Variants in SPATA7 observed in about 807,000 individuals in gnomAD.
The protein encoded by SPATA7 is spermatogenesis-associated protein 7.
SPATA7 carries 43 observed loss-of-function variants against 51.8 expected under a neutral mutation model. The observed-to-expected ratio is 0.83, with a 90% CI of 0.65 to 1.07. The LOEUF (loss-of-function observed/expected upper bound fraction) is 1.07. Among genes scored for constraint, SPATA7 ranks in the 50% least tolerant of loss-of-function variants. The probability of loss-of-function intolerance (pLI) is 0.00; values close to 1 mark genes in which losing one functional copy is unlikely to be tolerated. For synonymous variants in SPATA7, 230 were observed against 252.8 expected (o/e 0.91, Z 0.86); for missense variants, 683 against 701.3 (o/e 0.97, Z 0.30).
intron 9 of SPATA7, chr14:88,432,484 A>G (rs977683873): frequency 1.3e-5 from 2 of 152,230 alleles, no homozygotes; most frequent in African/African-American, 4.8e-5. Context: ...TTCTTGTAAT[A>G]GCTACTAAAA....
intron 6 of SPATA7, 74 bp from the exon 7 acceptor site, chr14:88,427,556 C>T (rs1196622213): frequency 1.0e-6 from 1 of 955,752 alleles, no homozygotes; most frequent in East Asian, 2.6e-5. Context: ...TTTATTTTTT[C>T]TAGCCAGTAA....
At chr14:88,468,378 TC>T in intron 4 of SPATA7, 1 of 1,055,634 alleles carries the variant, frequency 9.5e-7, no homozygotes, top group Non-Finnish European at 1.3e-6. Context: ...CAGTCTCTTT[TC>T]CACCTTAGCG....
intron 8 of SPATA7, among the ~76,000 whole-genome samples, chr14:88,429,794 A>G (rs1205980146): frequency 6.6e-6 from 1 of 152,150 alleles, no homozygotes; most frequent in Admixed American, 6.6e-5. Flanking sequence ...TGCCACAAAT[A>G]GTACTGAAGA....
intron 4 of SPATA7, among the ~76,000 whole-genome samples, chr14:88,400,552 G>A (rs763046081): frequency 2.6e-5 from 4 of 152,148 alleles, no homozygotes; most frequent in Non-Finnish European, 5.9e-5. Flanking sequence ...TCCCAACAGA[G>A]GCCACATGTG....
At chr14:88,423,057 A>T (rs954244989) in intron 5 of SPATA7, among the ~76,000 whole-genome samples, 4 of 152,034 alleles carry the variant, frequency 2.6e-5, no homozygotes, top group African/African-American at 7.2e-5. Flanking sequence ...TTCTTCTCCC[A>T]TACTCTGACT....
intron 4 of SPATA7, among the ~76,000 whole-genome samples, chr14:88,461,764 T>G (rs868330806): frequency 1.2e-4 from 19 of 152,124 alleles, no homozygotes; most frequent in Admixed American, 1.1e-3. Context: ...GGTACCTCAG[T>G]TGGAAATGCA....
chr14:88,390,957 T>C (rs1246467002), intron 1 of SPATA7, among the ~76,000 whole-genome samples: 2 of 152,240 alleles, frequency 1.3e-5, no homozygotes, highest in South Asian at 4.1e-4. Context: ...ATAGATATTC[T>C]GACCTCAGTT....
chr14:88,469,197 G>C lies in SPATA7; in HGVS notation c.255-650G>C, dbSNP rs985853040. 1.3e-5 allele frequency: 15 copies of C among 1,157,018 alleles called. No homozygotes were observed. Among genetic ancestry groups the C allele is most frequent in the Non-Finnish European group, 1.6e-5 (13 of 831,586 alleles). 71.7% of individuals were successfully genotyped at this position (1,157,018 alleles called of 1,614,324 possible). ...TGCAGATAAAGAGCACTGGGTGCCA[G>C]TGAACCAAACCCAACCACAAAGGGA... On this transcript the variant is annotated intron_variant, in intron 4 of 4. Transcript: ENST00000556406. This position sits in a 1 kb window ranked among gnomAD's most constrained non-coding sequence, Gnocchi z 4.3.
intron 4 of SPATA7, among the ~76,000 whole-genome samples, chr14:88,398,431 A>T (rs1160035313): frequency 7.2e-6 from 1 of 139,578 alleles, no homozygotes; most frequent in Non-Finnish European, 1.5e-5. Context: ...TTGAACAATG[A>T]GATCACATGG....
At chr14:88,428,005 C>T (rs747571739) in intron 7 of SPATA7, 8 of 221,512 alleles carry the variant, frequency 3.6e-5, no homozygotes, top group African/African-American at 1.8e-4. Context: ...AAGATGCAGA[C>T]CTGGATTACT....
chr14:88,420,848 G>A (rs1208453030), intron 5 of SPATA7, among the ~76,000 whole-genome samples: 1 of 152,140 alleles, frequency 6.6e-6, no homozygotes, highest in African/African-American at 2.4e-5. Flanking sequence ...GGGTGTGGTG[G>A]CCCACACCTG....
intron 4 of SPATA7, among the ~76,000 whole-genome samples, chr14:88,399,515 C>A (rs1291705473): frequency 6.6e-6 from 1 of 152,190 alleles, no homozygotes; most frequent in Non-Finnish European, 1.5e-5. Flanking sequence ...CTCTGACCTT[C>A]CTTTTTTGTG....
chr14:88,418,406 A>G (rs1415094730), intron 5 of SPATA7, among the ~76,000 whole-genome samples: 1 of 152,084 alleles, frequency 6.6e-6, no homozygotes, highest in Non-Finnish European at 1.5e-5. Context: ...GCATCCCACA[A>G]GTTTTGATAG....
intron 2 of SPATA7, 129 bp downstream of exon 2, chr14:88,391,584 T>G (rs2075746234): frequency 1.2e-6 from 1 of 801,152 alleles, no homozygotes; most frequent in Non-Finnish European, 2.1e-6. Context: ...ATTATTAATT[T>G]TAATGAAATA....
intron 8 of SPATA7, among the ~76,000 whole-genome samples, chr14:88,429,756 C>G (rs1424383442): frequency 6.6e-6 from 1 of 152,038 alleles, no homozygotes; most frequent in Admixed American, 6.6e-5. Context: ...AAGACAAGTC[C>G]TCTGGCAGTG....
At chr14:88,442,174 G>T (rs74664897), downstream of SPATA7, among the ~76,000 whole-genome samples, 3,930 of 149,842 alleles carry the variant, frequency 0.026, 181 homozygotes, top group African/African-American at 0.092. Flanking sequence ...CTATATGCCT[G>T]TTTGTTTGTT....
chr14:88,449,155 T>C (rs891196231), intron 3 of SPATA7, among the ~76,000 whole-genome samples: 1 of 152,168 alleles, frequency 6.6e-6, no homozygotes, highest in Non-Finnish European at 1.5e-5. Flanking sequence ...GGTGTGACCT[T>C]AGATTGTCTA....
downstream of SPATA7, among the ~76,000 whole-genome samples, chr14:88,459,180 GAGA>G (rs1340942819): frequency 6.6e-6 from 1 of 152,248 alleles, no homozygotes; most frequent in Non-Finnish European, 1.5e-5. Context: ...ATGTGGTGCT[GAGA>G]AGAATGTATA....
At chr14:88,427,999 T>C (rs1484868203) in intron 7 of SPATA7, 1 of 234,912 alleles carries the variant, frequency 4.3e-6, no homozygotes, top group Admixed American at 5.1e-5. Context: ...TTTTCAAAGA[T>C]GCAGACCTGG....
Sources: gnomAD v4.1 joint callset for allele counts (sites outside exome capture counted in the v4.1 genomes callset) on GRCh38, gnomAD v4.1.1 for gene constraint, Gnocchi (gnomAD v3.1) non-coding constraint, MANE v1.5 for transcripts, NCBI Gene and HGNC (gene_info 2026-07-23, HGNC 2026-07-21) for gene names.